MYOCD: variants seen among roughly 807,000 people sequenced by gnomAD.
The protein encoded by MYOCD is myocardin.
A neutral mutation model predicts 96.1 loss-of-function variants in MYOCD; 32 were observed. The observed-to-expected ratio is 0.33, with a 90% CI of 0.25 to 0.45. MYOCD has a LOEUF of 0.45. Among genes scored for constraint, MYOCD ranks in the 20% least tolerant of loss-of-function variants. The pLI is 1.00. For synonymous variants in MYOCD, 469 were observed against 469.0 expected (o/e 1.00, Z 0.00); for missense variants, 1,133 against 1,200.6 (o/e 0.94, Z 0.83).
intron 1 of MYOCD, among the ~76,000 whole-genome samples, chr17:12,690,500 C>T (rs1317667991): frequency 2.0e-5 from 3 of 151,534 alleles, no homozygotes; most frequent in Admixed American, 1.3e-4. Context: ...TATTATGTGG[C>T]CATAGAGAAT....
Position 12,716,985 on chromosome 17 carries a change from CAAAAAAAAAAAAAAAAAAAAAAA to C in MYOCD, c.178-348_178-326del, listed in dbSNP as rs56992216. Among the ~76,000 whole-genome samples, 449 of 112,924 alleles carry C rather than the reference CAAAAAAAAAAAAAAAAAAAAAAA, an allele frequency of 4.0e-3. 10 individuals are homozygous for C. The highest frequency in any genetic ancestry group is 0.012 in the African/African-American group (269 of 23,190). The allele number at this position is 112,924 out of a possible 152,430, so 74.1% of individuals were successfully genotyped here. A position where few individuals can be genotyped will look rare whatever the true frequency, so the allele number is the denominator to read the frequency against. On this transcript the variant is annotated intron_variant, in intron 3 of 13. Coordinates refer to ENST00000425538, the MANE Select transcript of MYOCD (RefSeq NM_001146312.3). ...AGCCTGGATGACAGAGATGCTGTCT[CAAAAAAAAAAAAAAAAAAAAAAA>C]AAAAAAAAAAAAGGCAATGGAATAA...
rs2033248794 is a variant in MYOCD, at chr17:12,763,529, C to T, written c.2846C>T (p.Thr949Ile). The change falls in exon 14 of 14, where the codon ACA (threonine) becomes ATA (isoleucine). Residue 949 changes from threonine (T) to isoleucine (I), a missense_variant. Coordinates refer to ENST00000425538, the MANE Select transcript of MYOCD (RefSeq NM_001146312.3). ...EWLDLTPPNS[T>I]PGFSALTTSS... ...CTGGACCTCACTCCGCCAAATTCCA[C>T]ACCAGGCTTTAGCGCCCTCACCACC... 2 of 1,614,200 alleles carry T rather than the reference C, an allele frequency of 1.2e-6. No individual in the cohort carries two copies. The highest frequency in any genetic ancestry group is 1.7e-6 in the Non-Finnish European group (2 of 1,180,038).
chr17:12,758,433 G>A, intron 12 of MYOCD: 1 of 673,186 alleles, frequency 1.5e-6, no homozygotes. Flanking sequence ...TCTGGCTTTG[G>A]TACCAGTTCT....
intron 1 of MYOCD, among the ~76,000 whole-genome samples, chr17:12,669,413 A>G (rs375823646): frequency 1.1e-4 from 16 of 152,320 alleles, no homozygotes; most frequent in Non-Finnish European, 1.6e-4. Context: ...GGCAATTGCC[A>G]TGAACTTGAC....
chr17:12,712,631 G>A (rs777726794), intron 2 of MYOCD, among the ~76,000 whole-genome samples: 11 of 152,274 alleles, frequency 7.2e-5, no homozygotes, highest in Admixed American at 2.6e-4. Flanking sequence ...CCAAATTAGC[G>A]ATAGCTTTGG....
intron 4 of MYOCD, among the ~76,000 whole-genome samples, chr17:12,721,384 G>T (rs1233600401): frequency 6.6e-6 from 1 of 152,184 alleles, no homozygotes; most frequent in African/African-American, 2.4e-5. Flanking sequence ...GCAACAAGAT[G>T]AAGGGTTTGT....
chr17:12,749,256 C>T (rs898044890), intron 9 of MYOCD, among the ~76,000 whole-genome samples: 9 of 152,246 alleles, frequency 5.9e-5, no homozygotes, highest in Non-Finnish European at 1.2e-4. Context: ...AGGCGGGGCG[C>T]AGTGGCTCAC....
At chr17:12,759,849 A>G (rs1245949159) in intron 12 of MYOCD, among the ~76,000 whole-genome samples, 1 of 152,180 alleles carries the variant, frequency 6.6e-6, no homozygotes. Flanking sequence ...GACATTTTCT[A>G]TTTATTAAGA....
intron 13 of MYOCD, 184 bp from the exon 14 acceptor site, chr17:12,762,889 G>T: frequency 1.7e-6 from 1 of 587,076 alleles, no homozygotes; most frequent in South Asian, 2.2e-5. Context: ...AAGAGGAAAG[G>T]GTTTGGGAAA....
At chr17:12,692,789 G>A (rs1298043764) in intron 1 of MYOCD, among the ~76,000 whole-genome samples, 4 of 152,120 alleles carry the variant, frequency 2.6e-5, no homozygotes, top group African/African-American at 7.2e-5. Context: ...CCAGGCACAG[G>A]TGAGTGAACT....
intron 5 of MYOCD, among the ~76,000 whole-genome samples, chr17:12,728,108 G>A (rs561532008): frequency 6.6e-6 from 1 of 152,262 alleles, no homozygotes; most frequent in East Asian, 1.9e-4. Context: ...ACATGAAAGC[G>A]ATGATTCATG....
intron 5 of MYOCD, 23 bp downstream of exon 5, chr17:12,723,031 CT>C: frequency 6.2e-7 from 1 of 1,605,566 alleles, no homozygotes; most frequent in Non-Finnish European, 8.5e-7. Flanking sequence ...AATGGCATGT[CT>C]CTCCTTGGTG....
intron 1 of MYOCD, among the ~76,000 whole-genome samples, chr17:12,676,245 GCA>G (rs36211306): frequency 0.068 from 9,910 of 145,362 alleles, 352 homozygotes; most frequent in East Asian, 0.15. Context: ...GCGCGCGCAC[GCA>G]CACACACACA....
intron 2 of MYOCD, among the ~76,000 whole-genome samples, chr17:12,706,841 A>C (rs948315980): frequency 1.3e-5 from 2 of 152,210 alleles, no homozygotes; most frequent in Non-Finnish European, 2.9e-5. Flanking sequence ...CACTTATTAG[A>C]AATTTTGCAT....
chr17:12,747,070 T>G (rs1597803454), intron 9 of MYOCD, among the ~76,000 whole-genome samples: 1 of 151,900 alleles, frequency 6.6e-6, no homozygotes, highest in Non-Finnish European at 1.5e-5. Flanking sequence ...CATCTGTCAT[T>G]CATTCTGTGT....
At position 12,739,288 on chromosome 17, in the gene MYOCD, G is replaced by GC. The variant is rs760792013; in HGVS notation, c.684dup (p.Ser229GlnfsTer17). 8 of 1,607,982 alleles carry GC rather than the reference G, an allele frequency of 5.0e-6. No homozygotes were observed. The highest frequency in any genetic ancestry group is 8.5e-7 in the Non-Finnish European group (1 of 1,177,586). On this transcript the variant is annotated frameshift_variant, in exon 7 of 14. Coordinates refer to ENST00000425538, the MANE Select transcript of MYOCD (RefSeq NM_001146312.3). LOFTEE classifies it high-confidence loss of function. Reference sequence around the variant, plus strand: ...TCAGATGCGGGGAAGCAGGGGCTTGGCCCCCCCAGCACCCCCATAGCCGTG... The same window carrying GC: ...TCAGATGCGGGGAAGCAGGGGCTTGGCCCCCCCCAGCACCCCCATAGCCGTG...
chr17:12,674,727 G>C (rs937269807), intron 1 of MYOCD, among the ~76,000 whole-genome samples: 1 of 152,140 alleles, frequency 6.6e-6, no homozygotes, highest in African/African-American at 2.4e-5. Context: ...TATGTAATGG[G>C]TTTGTTGAGA....
chr17:12,732,243 G>C (rs73977963), intron 5 of MYOCD, among the ~76,000 whole-genome samples: 1 of 152,078 alleles, frequency 6.6e-6, no homozygotes, highest in East Asian at 1.9e-4. Context: ...CCAGGGGTTG[G>C]CTCCTAAAAT....
In MYOCD at chr17:12,677,859, T is replaced by A. The variant is rs527546126; in HGVS notation, c.55+11616T>A. On this transcript the variant is annotated intron_variant, in intron 1 of 13. Transcript: ENST00000425538. ...AGCCTCTCATGAATTTCTCTTAAGA[T>A]TCACTGCCCAGCTATTATCATTTCT... 6.6e-5 allele frequency among the ~76,000 whole-genome samples: 10 copies of A among 151,960 alleles called. No individual in the cohort carries two copies. In the East Asian group the frequency reaches 1.9e-3, roughly 29 times the overall value.
Sources: gnomAD v4.1 joint callset for allele counts (sites outside exome capture counted in the v4.1 genomes callset) on GRCh38, gnomAD v4.1.1 for gene constraint, MANE v1.5 for transcripts, NCBI Gene and HGNC (gene_info 2026-07-23, HGNC 2026-07-21) for gene names.